SUMF1: variants seen among roughly 807,000 people sequenced by gnomAD.
SUMF1 encodes the protein formylglycine-generating enzyme.
Under a neutral mutation model 47.6 loss-of-function variants are expected in SUMF1, and 48 were observed. That is an observed-to-expected ratio of 1.01 (90% CI 0.80 to 1.28). The LOEUF is 1.28. Ranked by LOEUF, SUMF1 falls within the 50% of genes most tolerant of loss-of-function variation. SUMF1 has a pLI of 0.00. For synonymous variants in SUMF1, 230 were observed against 192.1 expected, an observed-to-expected ratio of 1.20 and a Z score of -1.63; for missense variants, 571 against 485.4, an observed-to-expected ratio of 1.18 and a Z score of -1.66.
chr3:4,416,395 G>A (rs993856756), intron 6 of SUMF1, among the ~76,000 whole-genome samples: 1 of 152,160 alleles, frequency 6.6e-6, no homozygotes, highest in African/African-American at 2.4e-5. Flanking sequence ...TGTATTTGTG[G>A]CATACTGCTA....
chr3:4,195,921 G>C (rs1695419787), intron 8 of SUMF1, among the ~76,000 whole-genome samples: 1 of 151,954 alleles, frequency 6.6e-6, no homozygotes, highest in African/African-American at 2.4e-5. Flanking sequence ...ACTCTGAATT[G>C]CACTAAGATT....
downstream of SUMF1, among the ~76,000 whole-genome samples, chr3:4,356,403 T>C (rs1424325365): frequency 6.6e-6 from 1 of 152,142 alleles, no homozygotes; most frequent in African/African-American, 2.4e-5. Context: ...GGCTGTTAAA[T>C]GGTTTTCCGT....
chr3:4,079,428 A>G (rs533977918), intron 8 of SUMF1, among the ~76,000 whole-genome samples: 1 of 152,124 alleles, frequency 6.6e-6, no homozygotes, highest in East Asian at 1.9e-4. Context: ...AATAAGGTAC[A>G]TGCCTGACAT....
At chr3:4,309,182 G>T (rs1241685037) in intron 8 of SUMF1, among the ~76,000 whole-genome samples, 1 of 152,180 alleles carries the variant, frequency 6.6e-6, no homozygotes, top group African/African-American at 2.4e-5. Flanking sequence ...AAGCCTCCAG[G>T]TAGCAGGCTT....
intron 9 of SUMF1, among the ~76,000 whole-genome samples, chr3:4,062,683 T>A (rs1695295989): frequency 6.6e-6 from 1 of 152,174 alleles, no homozygotes; most frequent in South Asian, 2.1e-4. Context: ...TTAGGGTAAT[T>A]TGAACCATAT....
intron 7 of SUMF1, among the ~76,000 whole-genome samples, chr3:4,400,073 A>G (rs1701161926): frequency 6.6e-6 from 1 of 152,114 alleles, no homozygotes; most frequent in South Asian, 2.1e-4. Context: ...TTCATACCTC[A>G]AACCACACCA....
intron 8 of SUMF1, among the ~76,000 whole-genome samples, chr3:4,095,451 C>CT (rs554760521): frequency 5.5e-4 from 83 of 151,842 alleles, no homozygotes; most frequent in Non-Finnish European, 8.7e-4. Flanking sequence ...CCTAATGTCT[C>CT]TTTTTTTTGT....
chr3:4,192,422 T>G (rs1039540111), intron 8 of SUMF1, among the ~76,000 whole-genome samples: 2 of 151,956 alleles, frequency 1.3e-5, no homozygotes, highest in African/African-American at 2.4e-5. Flanking sequence ...CAATGGTTAA[T>G]AGTCCTTTAG....
At chr3:4,122,452 T>A (rs1693567392) in intron 8 of SUMF1, among the ~76,000 whole-genome samples, 1 of 152,124 alleles carries the variant, frequency 6.6e-6, no homozygotes, top group Non-Finnish European at 1.5e-5. Context: ...TATTTGGGGA[T>A]CATGAAAATG....
intron 8 of SUMF1, among the ~76,000 whole-genome samples, chr3:4,310,092 A>G (rs1343228210): frequency 1.3e-5 from 2 of 152,228 alleles, no homozygotes; most frequent in African/African-American, 4.8e-5. Context: ...GTATCTAAAC[A>G]TAGAAAACAT....
At chr3:4,434,123 G>A (rs1321571026) in intron 3 of SUMF1, among the ~76,000 whole-genome samples, 5 of 152,174 alleles carry the variant, frequency 3.3e-5, no homozygotes, top group Non-Finnish European at 7.3e-5. Flanking sequence ...GTCACCAGAG[G>A]CTGAAGAGTT....
intron 3 of SUMF1, among the ~76,000 whole-genome samples, chr3:4,422,374 A>T (rs539072688): frequency 3.3e-5 from 5 of 152,314 alleles, no homozygotes; most frequent in South Asian, 2.1e-4. Flanking sequence ...TTCTTAAATT[A>T]AAAAATAAAA....
intron 8 of SUMF1, among the ~76,000 whole-genome samples, chr3:4,081,367 G>A (rs548819499): frequency 6.6e-6 from 1 of 152,246 alleles, no homozygotes; most frequent in South Asian, 2.1e-4. Context: ...TGGGCTTCCT[G>A]AGAGCAAGAT....
chr3:4,355,508 A>C (rs762896899), intron 8 of SUMF1, among the ~76,000 whole-genome samples: 2 of 152,252 alleles, frequency 1.3e-5, no homozygotes, highest in African/African-American at 4.8e-5. Flanking sequence ...GCTCTTCACC[A>C]CAGGCACCAA....
chr3:4,386,142 T>C (rs755921215), intron 7 of SUMF1, among the ~76,000 whole-genome samples: 3 of 152,216 alleles, frequency 2.0e-5, no homozygotes, highest in Non-Finnish European at 4.4e-5. Context: ...TATTTCAGAA[T>C]AATCATGTCA....
intron 9 of SUMF1, among the ~76,000 whole-genome samples, chr3:4,055,156 G>A (rs1222182761): frequency 6.6e-6 from 1 of 152,104 alleles, no homozygotes; most frequent in Non-Finnish European, 1.5e-5. Context: ...CAGTGAAAAG[G>A]CGTTAAGAAT....
At chr3:4,177,756 GT>G (rs1321054694) in intron 8 of SUMF1, among the ~76,000 whole-genome samples, 1 of 152,022 alleles carries the variant, frequency 6.6e-6, no homozygotes, top group Non-Finnish European at 1.5e-5. Flanking sequence ...CCAGGAGCTG[GT>G]TTTTTGAAAA....
chr3:4,195,786 T>G (rs1384586879), intron 8 of SUMF1, among the ~76,000 whole-genome samples: 2 of 151,996 alleles, frequency 1.3e-5, no homozygotes, highest in Non-Finnish European at 2.9e-5. Context: ...AGCTAGGACT[T>G]TTTTTTTCAG....
chr3:4,160,566 C>T (rs897964426), intron 8 of SUMF1, among the ~76,000 whole-genome samples: 1 of 152,076 alleles, frequency 6.6e-6, no homozygotes, highest in African/African-American at 2.4e-5. Flanking sequence ...TTCAAGCTCA[C>T]TAATTCTGTC....
Sources: allele counts gnomAD v4.1 joint callset (sites outside exome capture counted in the v4.1 genomes callset), GRCh38; gene constraint gnomAD v4.1.1; transcripts MANE v1.5; gene names NCBI Gene and HGNC (gene_info 2026-07-23, HGNC 2026-07-21).